Variants in DTNA observed in about 807,000 individuals in gnomAD.
The protein encoded by DTNA is dystrobrevin alpha.
In DTNA, 43 loss-of-function variants were observed where a neutral mutation model predicts 100.7. The observed-to-expected ratio is 0.43, with a 90% CI of 0.33 to 0.55. DTNA has a LOEUF of 0.55. DTNA is among the 20% of genes least tolerant of loss of function. The probability of loss-of-function intolerance (pLI) is 0.04; values close to 1 mark genes in which losing one functional copy is unlikely to be tolerated. For missense variants in DTNA, 798 were observed against 953.9 expected, an observed-to-expected ratio of 0.84 and a Z score of 2.15; for synonymous variants, 349 against 347.9, an observed-to-expected ratio of 1.00 and a Z score of -0.04.
At position 34,647,766 on chromosome 18, in the gene DTNA, T is replaced by A. The variant is rs2060013074; in HGVS notation, c.-1-108210T>A. Among the ~76,000 whole-genome samples the A allele has an allele frequency of 2.0e-5, 3 of 152,204 alleles. No individual in the cohort carries two copies. In the South Asian group the frequency reaches 6.2e-4, roughly 31 times the overall value. On this transcript the variant is annotated intron_variant, in intron 1 of 19. Coordinates refer to the DTNA transcript ENST00000283365. Reference sequence around the variant, plus strand: ...AAAAGACATTAAGTCAACACACAAATAAATATATCATTACAATTTTCAGCT... The same window carrying A: ...AAAAGACATTAAGTCAACACACAAAAAAATATATCATTACAATTTTCAGCT...
intron 1 of DTNA, among the ~76,000 whole-genome samples, chr18:34,645,906 C>T (rs1279728708): frequency 1.3e-5 from 2 of 152,120 alleles, no homozygotes. Flanking sequence ...GGTACATCTC[C>T]ATCACCTATT....
intron 21 of DTNA, among the ~76,000 whole-genome samples, chr18:34,882,420 G>T (rs1281746360): frequency 6.6e-6 from 1 of 151,946 alleles, no homozygotes; most frequent in Non-Finnish European, 1.5e-5. Context: ...CTAGGCTGGA[G>T]TGCAGTGGTG....
At chr18:34,823,952 A>G (rs1474204326) in intron 9 of DTNA, among the ~76,000 whole-genome samples, 2 of 152,188 alleles carry the variant, frequency 1.3e-5, no homozygotes, top group Non-Finnish European at 2.9e-5. Context: ...TCAAAATAAA[A>G]CATTTTTTTG....
At chr18:34,595,386 A>G (rs920944173) in intron 1 of DTNA, among the ~76,000 whole-genome samples, 1 of 152,234 alleles carries the variant, frequency 6.6e-6, no homozygotes, top group Non-Finnish European at 1.5e-5. Flanking sequence ...GTGTGTCAAA[A>G]AAAAACACAA....
chr18:34,590,193 A>G (rs1277247551), intron 1 of DTNA, among the ~76,000 whole-genome samples: 1 of 152,162 alleles, frequency 6.6e-6, no homozygotes, highest in South Asian at 2.1e-4. Flanking sequence ...GCTGCTTTGA[A>G]TCTTCCATAT....
In DTNA at chr18:34,891,023, G is replaced by A. The variant is rs1325010720; in HGVS notation, c.*3289G>A. The A allele has an allele frequency of 6.6e-6, 1 of 152,516 alleles. No homozygotes were observed. The highest frequency in any genetic ancestry group is 1.5e-5 in the Non-Finnish European group (1 of 68,052). 9.4% of individuals were successfully genotyped at this position (152,516 alleles called of 1,614,324 possible). ...TTCGATTCCACGCAAGGAGCCACAA[G>A]TGAGAACTCCACTGTCCTTAGAAGA... On this transcript the variant is annotated 3_prime_UTR_variant, in exon 23 of 23. Coordinates refer to ENST00000444659, the MANE Select transcript of DTNA (RefSeq NM_001386795.1).
chr18:34,852,011 G>GTGTAAAGCCCTGAAA, intron 15 of DTNA, 83 bp downstream of exon 15: 1 of 1,369,968 alleles, frequency 7.3e-7, no homozygotes, highest in Non-Finnish European at 1.0e-6. Flanking sequence ...AAGTTTCAGG[G>GTGTAAAGCCCTGAAA]CTTTACACCC....
intron 5 of DTNA, among the ~76,000 whole-genome samples, chr18:34,811,558 CA>C (rs1180326692): frequency 6.6e-6 from 1 of 152,164 alleles, no homozygotes; most frequent in African/African-American, 2.4e-5. Context: ...AATATACGCA[CA>C]CCCCAACTTT....
At chr18:34,858,916 T>C (rs894545780) in intron 16 of DTNA, among the ~76,000 whole-genome samples, 3 of 152,244 alleles carry the variant, frequency 2.0e-5, no homozygotes, top group Admixed American at 6.5e-5. Flanking sequence ...CGGCCAGCAG[T>C]GTTCTTTACA....
chr18:34,874,703 A>C (rs546949609), intron 17 of DTNA, among the ~76,000 whole-genome samples: 8 of 152,168 alleles, frequency 5.3e-5, no homozygotes, highest in African/African-American at 1.9e-4. Flanking sequence ...CTTTTACTAT[A>C]AAATAGGGAT....
intron 1 of DTNA, among the ~76,000 whole-genome samples, chr18:34,656,487 T>A (rs2074391003): frequency 6.6e-6 from 1 of 152,202 alleles, no homozygotes; most frequent in Non-Finnish European, 1.5e-5. Context: ...GAGCTGCCAG[T>A]CACCATTAAC....
intron 1 of DTNA, among the ~76,000 whole-genome samples, chr18:34,642,790 CT>C (rs2059435715): frequency 6.6e-6 from 1 of 152,116 alleles, no homozygotes; most frequent in Non-Finnish European, 1.5e-5. Context: ...ATCTCTTGAC[CT>C]CATGATCTGT....
intron 2 of DTNA, among the ~76,000 whole-genome samples, chr18:34,764,062 G>A (rs1439833667): frequency 1.3e-5 from 2 of 152,078 alleles, no homozygotes; most frequent in African/African-American, 2.4e-5. Context: ...TGACTCCAGG[G>A]GAAACTAGAT....
chr18:34,641,056 A>G (rs2059221312), intron 1 of DTNA, among the ~76,000 whole-genome samples: 2 of 152,188 alleles, frequency 1.3e-5, no homozygotes, highest in South Asian at 4.1e-4. Flanking sequence ...GCTATTTTAT[A>G]ATAAATGTTG....
intron 1 of DTNA, among the ~76,000 whole-genome samples, chr18:34,659,784 G>A (rs151306620): frequency 8.5e-5 from 13 of 152,102 alleles, no homozygotes; most frequent in Non-Finnish European, 1.3e-4. Flanking sequence ...CGCATTAACC[G>A]GTGACCGTAT....
At chr18:34,681,832 A>C (rs1056475055) in intron 1 of DTNA, among the ~76,000 whole-genome samples, 12 of 152,008 alleles carry the variant, frequency 7.9e-5, no homozygotes, top group African/African-American at 2.7e-4. Flanking sequence ...TCCACAGTTT[A>C]CATTAGGGTA....
At chr18:34,838,260 G>C in intron 12 of DTNA, 89 bp downstream of exon 12, 1 of 1,403,772 alleles carries the variant, frequency 7.1e-7, no homozygotes, top group South Asian at 1.2e-5. Flanking sequence ...GTGTGTGAAA[G>C]ACTGTCTTTG....
chr18:34,503,594 A>G (rs189548074), intron 1 of DTNA, among the ~76,000 whole-genome samples: 1 of 152,052 alleles, frequency 6.6e-6, no homozygotes. Context: ...TAGTTGGCTC[A>G]TATTTTTAAT....
Position 34,890,079 on chromosome 18 carries a change from C to A in DTNA, c.*2345C>A, listed in dbSNP as rs2150522889. On this transcript the variant is annotated 3_prime_UTR_variant, in exon 23 of 23. Transcript: ENST00000444659. ...ACGTGGCACTCCACCACTGACTGGA[C>A]CGAGCTGGCATATGTTGTTTCTTTG... is the stretch of plus-strand genomic sequence containing the variant. 1 of 1,371,192 alleles carries A rather than the reference C, an allele frequency of 7.3e-7. No homozygotes were observed. Among genetic ancestry groups the A allele is most frequent in the Non-Finnish European group, 9.4e-7 (1 of 1,065,326 alleles). The allele number at this position is 1,371,192 out of a possible 1,614,324, so 84.9% of individuals were successfully genotyped here.
Sources: gnomAD v4.1 joint callset for allele counts (sites outside exome capture counted in the v4.1 genomes callset) on GRCh38, gnomAD v4.1.1 for gene constraint, MANE v1.5 for transcripts, NCBI Gene and HGNC (gene_info 2026-07-23, HGNC 2026-07-21) for gene names.